Variants in PRKCB observed in about 807,000 individuals in gnomAD.
PRKCB encodes protein kinase C beta type.
PRKCB carries 13 observed loss-of-function variants against 81.5 expected under a neutral mutation model. That is an observed-to-expected ratio of 0.16 (90% confidence interval 0.10 to 0.25). The LOEUF (loss-of-function observed/expected upper bound fraction) is 0.25. Among genes scored for constraint, PRKCB ranks in the 10% least tolerant of loss-of-function variants. The probability of loss-of-function intolerance (pLI) is 1.00; values close to 1 mark genes in which losing one functional copy is unlikely to be tolerated. For synonymous variants in PRKCB, 335 were observed against 321.4 expected, an observed-to-expected ratio of 1.04 and a Z score of -0.45; for missense variants, 509 against 875.7, an observed-to-expected ratio of 0.58 and a Z score of 5.29.
intron 9 of PRKCB, among the ~76,000 whole-genome samples, chr16:24,141,046 T>C (rs1966894179): frequency 6.6e-6 from 1 of 152,216 alleles, no homozygotes; most frequent in African/African-American, 2.4e-5. Context: ...GCAAAGGCGA[T>C]TTCATTCTTT....
At chr16:23,980,304 T>C (rs1964678780) in intron 2 of PRKCB, among the ~76,000 whole-genome samples, 1 of 152,246 alleles carries the variant, frequency 6.6e-6, no homozygotes, top group Non-Finnish European at 1.5e-5. Context: ...GGAACCCCAC[T>C]TCATCTTAGG....
At chr16:23,917,980 AT>A (rs1267853237) in intron 2 of PRKCB, among the ~76,000 whole-genome samples, 2 of 152,220 alleles carry the variant, frequency 1.3e-5, no homozygotes, top group African/African-American at 2.4e-5. Context: ...AGCCCTGAAT[AT>A]TTTGCATATG....
At chr16:23,846,599 A>ACTC (rs1962372248) in intron 2 of PRKCB, among the ~76,000 whole-genome samples, 1 of 98,624 alleles carries the variant, frequency 1.0e-5, no homozygotes, top group Non-Finnish European at 1.9e-5. Flanking sequence ...ACAGAGCGAG[A>ACTC]CTCCGTCTCA....
At chr16:23,923,722 G>A (rs150757413) in intron 2 of PRKCB, among the ~76,000 whole-genome samples, 3,202 of 152,094 alleles carry the variant, frequency 0.021, 77 homozygotes, top group Non-Finnish European at 0.03. Flanking sequence ...TAATGACAGG[G>A]TTTCTCCTAA....
At chr16:23,866,011 C>G (rs1489532850) in intron 2 of PRKCB, among the ~76,000 whole-genome samples, 1 of 142,724 alleles carries the variant, frequency 7.0e-6, no homozygotes, top group African/African-American at 2.6e-5. Context: ...TCTACCCCAC[C>G]CTTCAAGTAC....
In PRKCB at chr16:23,932,622, A is replaced by T. The variant is rs549512535; in HGVS notation, c.206-55886A>T. 1.8e-4 allele frequency among the ~76,000 whole-genome samples: 28 copies of T among 152,354 alleles called. 1 individual carries two copies. The South Asian group carries it at 5.8e-3, about 32-fold the overall frequency. On this transcript the variant is annotated intron_variant, in intron 2 of 16. Coordinates refer to ENST00000643927, the MANE Select transcript of PRKCB (RefSeq NM_002738.7). ...ACTGGAAGGATCAGGCATCTCAGGA[A>T]TCATGCAATGTGCATCAAAAAATAG...
At chr16:23,898,259 G>A (rs1963412612) in intron 2 of PRKCB, among the ~76,000 whole-genome samples, 1 of 152,018 alleles carries the variant, frequency 6.6e-6, no homozygotes, top group Non-Finnish European at 1.5e-5. Context: ...TAGAGACAGG[G>A]TTTCACCTTG....
chr16:24,109,756 G>A (rs1365863971), intron 7 of PRKCB, among the ~76,000 whole-genome samples: 2 of 135,126 alleles, frequency 1.5e-5, no homozygotes, highest in Admixed American at 1.4e-4. Flanking sequence ...CAAGGCAGGC[G>A]GCTGGGAGGT....
intron 2 of PRKCB, 100 bp downstream of exon 2, chr16:23,837,506 G>T: frequency 7.0e-7 from 1 of 1,429,304 alleles, no homozygotes; most frequent in East Asian, 2.4e-5. Flanking sequence ...AAAGAATCAC[G>T]TTGGTCGGAG....
chr16:24,214,883 T>C lies in PRKCB; in HGVS notation c.*67T>C. 1 of 1,576,974 alleles carries C rather than the reference T, an allele frequency of 6.3e-7. No individual in the cohort carries two copies. The highest frequency in any genetic ancestry group is 8.6e-7 in the Non-Finnish European group (1 of 1,161,324). On this transcript the variant is annotated 3_prime_UTR_variant, in exon 17 of 17. Transcript: ENST00000643927. ...CTCAACGGCTATTGTGGTGACATTTTTATGTTTTTCATTGCCAAGTTGCAT... is the reference window on the plus strand; with the variant it reads ...CTCAACGGCTATTGTGGTGACATTTCTATGTTTTTCATTGCCAAGTTGCAT...
At chr16:24,110,509 C>CT (rs777132623) in intron 7 of PRKCB, among the ~76,000 whole-genome samples, 27 of 125,326 alleles carry the variant, frequency 2.2e-4, no homozygotes, top group African/African-American at 3.0e-4. Flanking sequence ...CCATGCCCAA[C>CT]CTTTTTTTTT....
intron 2 of PRKCB, among the ~76,000 whole-genome samples, chr16:23,977,012 C>T (rs143265632): frequency 4.7e-4 from 71 of 152,234 alleles, no homozygotes; most frequent in Non-Finnish European, 9.0e-4. Flanking sequence ...CAGTCTTTTC[C>T]GGCAGTTGCT....
chr16:24,098,270 T>C (rs1399228389), intron 7 of PRKCB: 1 of 152,256 alleles, frequency 6.6e-6, no homozygotes, highest in Non-Finnish European at 1.5e-5. Flanking sequence ...AAAGATTTCC[T>C]TAGCTCACTA....
intron 3 of PRKCB, among the ~76,000 whole-genome samples, chr16:24,004,997 A>G (rs528578266): frequency 6.6e-6 from 1 of 152,332 alleles, no homozygotes; most frequent in Admixed American, 6.5e-5. Flanking sequence ...TATTACAGTC[A>G]TATGGTGGAA....
At chr16:24,002,322 T>C (rs1196249763) in intron 3 of PRKCB, among the ~76,000 whole-genome samples, 2 of 124,388 alleles carry the variant, frequency 1.6e-5, no homozygotes, top group African/African-American at 2.9e-5. Flanking sequence ...TATGTGTGTG[T>C]GCGTGCGTGT....
chr16:24,041,064 G>T (rs116935402), intron 5 of PRKCB, among the ~76,000 whole-genome samples: 85,143 of 148,226 alleles, frequency 0.57, 24,802 homozygotes, highest in South Asian at 0.68. Flanking sequence ...TTTTTTTTGT[G>T]TGTGTGTGAC....
At chr16:24,089,770 G>GTCTCTCTC (rs71381637) in intron 5 of PRKCB, among the ~76,000 whole-genome samples, 1 of 149,272 alleles carries the variant, frequency 6.7e-6, no homozygotes, top group African/African-American at 2.5e-5. Flanking sequence ...GTGAGACCTT[G>GTCTCTCTC]TCTCTCTCTC....
chr16:24,013,781 C>CAAAAAA (rs35383807), intron 3 of PRKCB, among the ~76,000 whole-genome samples: 2 of 138,032 alleles, frequency 1.4e-5, no homozygotes, highest in African/African-American at 2.7e-5. Flanking sequence ...TGTGGAATTG[C>CAAAAAA]AAAAAAAAAA....
chr16:24,198,019 T>A (rs1016046684), intron 16 of PRKCB, among the ~76,000 whole-genome samples: 1 of 152,182 alleles, frequency 6.6e-6, no homozygotes, highest in African/African-American at 2.4e-5. Flanking sequence ...CTCCTGTCCA[T>A]CCTGTTGCAA....
Sources: gnomAD v4.1 joint callset for allele counts (sites outside exome capture counted in the v4.1 genomes callset) on GRCh38, gnomAD v4.1.1 for gene constraint, MANE v1.5 for transcripts, NCBI Gene and HGNC (gene_info 2026-07-23, HGNC 2026-07-21) for gene names.